The following GPR39 variants were observed in gnomAD, a reference collection of about 807,000 sequenced individuals.
GPR39 encodes the protein zinc sensing receptor.
GPR39 carries 23 observed loss-of-function variants against 18.4 expected under a neutral mutation model. The observed-to-expected ratio is 1.25, with a 90% CI of 0.90 to 1.77. The LOEUF is 1.77. Among genes scored for constraint, GPR39 ranks in the 40% most tolerant of loss-of-function variants. The probability of loss-of-function intolerance (pLI) is 0.00; values close to 1 mark genes in which losing one functional copy is unlikely to be tolerated. For missense variants in GPR39, 647 were observed against 602.4 expected (o/e 1.07, Z -0.78); for synonymous variants, 280 against 257.9 (o/e 1.09, Z -0.82).
rs377698029 is a variant in GPR39, at chr2:132,585,805, T to G, written c.857-59296T>G. The stretch of plus-strand genomic sequence containing the variant: ...TTTGGAAACGCATTTCGGGGCGTGA[T>G]CACGCAGCTGCCTCTTGGCATTCTG... On this transcript the variant is annotated intron_variant, in intron 1 of 1. Coordinates refer to ENST00000329321, the MANE Select transcript of GPR39 (RefSeq NM_001508.3). Among the ~76,000 whole-genome samples, 8 of 152,126 alleles carry G rather than the reference T, an allele frequency of 5.3e-5. No individual in the cohort carries two copies. The East Asian group carries it at 1.2e-3, about 22-fold the overall frequency.
intron 1 of GPR39, among the ~76,000 whole-genome samples, chr2:132,486,084 A>C (rs1681332094): frequency 6.6e-6 from 1 of 152,234 alleles, no homozygotes; most frequent in Admixed American, 6.5e-5. Context: ...GTACATCTCC[A>C]TCGGAGCTTT....
chr2:132,427,928 TTATA>T (rs1369539293), intron 1 of GPR39, among the ~76,000 whole-genome samples: 1 of 146,416 alleles, frequency 6.8e-6, no homozygotes, highest in Non-Finnish European at 1.5e-5. Context: ...AATATATATA[TTATA>T]TATAGTTATA....
intron 1 of GPR39, among the ~76,000 whole-genome samples, chr2:132,458,506 T>C (rs4953981): frequency 0.27 from 39,313 of 144,464 alleles, 5,282 homozygotes; most frequent in Middle Eastern, 0.4. Flanking sequence ...AAGTGCTTCA[T>C]TAAGTTTTTC....
rs141092741 is a variant in GPR39 at position 132,541,040 on chromosome 2, G to A, written c.857-104061G>A. On this transcript the variant is annotated intron_variant, in intron 1 of 1. Coordinates refer to ENST00000329321, the MANE Select transcript of GPR39 (RefSeq NM_001508.3). ...TCTTGCCCAGGTTCCCTTTCCCTCT[G>A]GGAACTGAGGCCAGGTAAGGAGACC... Among the ~76,000 whole-genome samples the A allele has an allele frequency of 1.4e-3, 215 of 151,904 alleles. 1 individual carries two copies. The highest frequency in any genetic ancestry group is 5.0e-3 in the African/African-American group (208 of 41,448).
intron 1 of GPR39, among the ~76,000 whole-genome samples, chr2:132,497,239 T>A (rs896321312): frequency 1.3e-5 from 2 of 152,186 alleles, no homozygotes; most frequent in African/African-American, 4.8e-5. Flanking sequence ...ATGTGACTCC[T>A]AACATGGGCA....
chr2:132,598,358 C>T (rs1004727341), intron 1 of GPR39, among the ~76,000 whole-genome samples: 4 of 144,092 alleles, frequency 2.8e-5, no homozygotes, highest in African/African-American at 1.0e-4. Context: ...ATAAGAATCA[C>T]CAAGGGATTT....
At chr2:132,575,071 A>G (rs1482161510) in intron 1 of GPR39, among the ~76,000 whole-genome samples, 1 of 152,112 alleles carries the variant, frequency 6.6e-6, no homozygotes, top group Non-Finnish European at 1.5e-5. Context: ...TACAAATATA[A>G]TATTTGTAAT....
At chr2:132,448,254 A>G (rs1294369846) in intron 1 of GPR39, among the ~76,000 whole-genome samples, 1 of 152,224 alleles carries the variant, frequency 6.6e-6, no homozygotes, top group East Asian at 1.9e-4. Flanking sequence ...GCTAGTGATG[A>G]CAATGAAATA....
At chr2:132,512,533 T>C (rs1475022387) in intron 1 of GPR39, among the ~76,000 whole-genome samples, 1 of 152,150 alleles carries the variant, frequency 6.6e-6, no homozygotes, top group Non-Finnish European at 1.5e-5. Context: ...GGGATTCCAG[T>C]TTCAGAATCA....
chr2:132,528,912 C>G (rs141342233), intron 1 of GPR39, among the ~76,000 whole-genome samples: 216 of 152,244 alleles, frequency 1.4e-3, no homozygotes, highest in African/African-American at 5.1e-3. Context: ...TGAATAGGAA[C>G]AGCTCCAGTC....
At chr2:132,508,381 G>T (rs1164334508) in intron 1 of GPR39, among the ~76,000 whole-genome samples, 1 of 152,118 alleles carries the variant, frequency 6.6e-6, no homozygotes, top group Non-Finnish European at 1.5e-5. Flanking sequence ...AAGCTCCACA[G>T]TAAGGCTCCT....
intron 1 of GPR39, among the ~76,000 whole-genome samples, chr2:132,563,896 C>A (rs1406279113): frequency 2.0e-5 from 3 of 152,132 alleles, no homozygotes; most frequent in East Asian, 1.9e-4. Context: ...GTGCCTGGGT[C>A]CCCCCACCCC....
chr2:132,482,541 C>T (rs575351682), intron 1 of GPR39, among the ~76,000 whole-genome samples: 13 of 152,192 alleles, frequency 8.5e-5, no homozygotes, highest in Middle Eastern at 3.4e-3. Flanking sequence ...AGCAAGTGGA[C>T]GAGCAGTTCA....
chr2:132,640,660 A>C (rs1365699396), intron 1 of GPR39, among the ~76,000 whole-genome samples: 1 of 140,472 alleles, frequency 7.1e-6, no homozygotes, highest in Non-Finnish European at 1.5e-5. Flanking sequence ...TACAAATCCA[A>C]ATTGTGATTG....
chr2:132,555,172 G>A (rs1231570462), intron 1 of GPR39, among the ~76,000 whole-genome samples: 1 of 152,124 alleles, frequency 6.6e-6, no homozygotes, highest in Non-Finnish European at 1.5e-5. Flanking sequence ...GGATGGTCTT[G>A]ATCTCCTGAC....
chr2:132,619,874 C>A (rs1681407236), intron 1 of GPR39, among the ~76,000 whole-genome samples: 1 of 151,640 alleles, frequency 6.6e-6, no homozygotes, highest in South Asian at 2.1e-4. Context: ...CACACACTCT[C>A]CACACCCTAC....
At chr2:132,635,529 G>T (rs1185158711) in intron 1 of GPR39, among the ~76,000 whole-genome samples, 1 of 152,148 alleles carries the variant, frequency 6.6e-6, no homozygotes, top group Admixed American at 6.5e-5. Context: ...GGTGTGAGAG[G>T]AATAGGGAGG....
chr2:132,519,831 G>A (rs568857295), intron 1 of GPR39, among the ~76,000 whole-genome samples: 1 of 152,162 alleles, frequency 6.6e-6, no homozygotes, highest in Non-Finnish European at 1.5e-5. Context: ...TAAATAGGTA[G>A]CTATCAGATT....
intron 1 of GPR39, among the ~76,000 whole-genome samples, chr2:132,465,600 A>G (rs1573615456): frequency 6.6e-6 from 1 of 152,334 alleles, no homozygotes; most frequent in African/African-American, 2.4e-5. Flanking sequence ...AGGCATACAC[A>G]TCTCCCTTGG....
Sources: gnomAD v4.1 joint callset for allele counts (sites outside exome capture counted in the v4.1 genomes callset) on GRCh38, gnomAD v4.1.1 for gene constraint, MANE v1.5 for transcripts, NCBI Gene and HGNC (gene_info 2026-07-23, HGNC 2026-07-21) for gene names.